Variants in CNKSR3 observed in about 807,000 individuals in gnomAD.
CNKSR3 encodes CNKSR family member 3.
Under a neutral mutation model 67.7 loss-of-function variants are expected in CNKSR3, and 36 were observed. The ratio of observed to expected loss-of-function variants is 0.53; its 90% CI spans 0.41 to 0.70. The LOEUF is 0.70. Among genes scored for constraint, CNKSR3 ranks in the 30% least tolerant of loss-of-function variants. CNKSR3 has a pLI of 0.00. For synonymous variants in CNKSR3, 281 were observed against 271.4 expected (o/e 1.04, Z -0.35); for missense variants, 630 against 695.2 (o/e 0.91, Z 1.05).
rs537815678 is a variant in CNKSR3 at position 154,509,771 on chromosome 6, C to T, written c.52+292G>A. Among the ~76,000 whole-genome samples, 32 of 152,270 alleles carry T rather than the reference C, an allele frequency of 2.1e-4. No homozygotes were observed. In the South Asian group the frequency reaches 2.7e-3, roughly 13 times the overall value. On this transcript the variant is annotated intron_variant, in intron 1 of 12. Coordinates refer to ENST00000607772, the MANE Select transcript of CNKSR3 (RefSeq NM_173515.4). ...GCGCCCCCCGGCCCGAGTGCCGAGT[C>T]CCGAGATCGGCATCCCCAGCCCTCA...
At chr6:154,465,684 A>C (rs1354773740) in intron 1 of CNKSR3, among the ~76,000 whole-genome samples, 1 of 152,224 alleles carries the variant, frequency 6.6e-6, no homozygotes, top group Admixed American at 6.5e-5. Context: ...ACAGGAAATT[A>C]TACACATCAT....
chr6:154,467,199 G>A (rs752486611), intron 1 of CNKSR3, among the ~76,000 whole-genome samples: 1 of 152,122 alleles, frequency 6.6e-6, no homozygotes. Context: ...CCCACCGGGA[G>A]TAGAGATACT....
chr6:154,500,256 A>AACACAC (rs5881088), intron 1 of CNKSR3, among the ~76,000 whole-genome samples: 10,628 of 147,256 alleles, frequency 0.072, 420 homozygotes, highest in African/African-American at 0.12. Flanking sequence ...TAAAATTAGA[A>AACACAC]ACACACACAC....
intron 8 of CNKSR3, 38 bp downstream of exon 8, chr6:154,422,877 T>C: frequency 1.3e-6 from 2 of 1,500,908 alleles, no homozygotes; most frequent in Non-Finnish European, 1.8e-6. Flanking sequence ...AATTAAAAGT[T>C]TTAAGGAGGA....
intron 1 of CNKSR3, among the ~76,000 whole-genome samples, chr6:154,490,493 A>G (rs1285495981): frequency 6.6e-6 from 1 of 152,240 alleles, no homozygotes; most frequent in Non-Finnish European, 1.5e-5. Context: ...CGTATACAAT[A>G]TATCTAATAT....
chr6:154,407,002 A>G (rs1468640093), intron 12 of CNKSR3, among the ~76,000 whole-genome samples: 1 of 150,408 alleles, frequency 6.6e-6, no homozygotes, highest in African/African-American at 2.4e-5. Flanking sequence ...TGCTCTTTGG[A>G]GGGCCCTCGG....
chr6:154,485,726 G>C (rs763437471), intron 1 of CNKSR3, among the ~76,000 whole-genome samples: 3 of 152,184 alleles, frequency 2.0e-5, no homozygotes, highest in Non-Finnish European at 4.4e-5. Context: ...TGAGAAGTTT[G>C]AGACTTTCTG....
chr6:154,442,054 T>C (rs577171095), intron 3 of CNKSR3, 34 bp downstream of exon 3: 31 of 1,559,466 alleles, frequency 2.0e-5, no homozygotes, highest in Non-Finnish European at 2.5e-5. Context: ...CTATCTACTC[T>C]TGCAGGGCAG....
intron 4 of CNKSR3, among the ~76,000 whole-genome samples, chr6:154,434,833 A>G (rs960790371): frequency 2.6e-5 from 4 of 152,186 alleles, no homozygotes; most frequent in Non-Finnish European, 5.9e-5. Flanking sequence ...TTGTAGATAA[A>G]ACTAAACTGT....
chr6:154,495,671 G>A (rs536876281), intron 1 of CNKSR3, among the ~76,000 whole-genome samples: 16 of 151,852 alleles, frequency 1.1e-4, no homozygotes, highest in South Asian at 8.4e-4. Flanking sequence ...CACTGTGCCC[G>A]GCCTCAACAC....
intron 10 of CNKSR3, 25 bp from the exon 11 acceptor site, chr6:154,411,167 T>A: frequency 6.5e-7 from 1 of 1,526,818 alleles, no homozygotes; most frequent in Non-Finnish European, 9.1e-7. Context: ...GGACAATAAT[T>A]AAGTTGTTTA....
At chr6:154,486,836 CTTTT>C (rs932351640) in intron 1 of CNKSR3, among the ~76,000 whole-genome samples, 1 of 151,998 alleles carries the variant, frequency 6.6e-6, no homozygotes, top group East Asian at 1.9e-4. Context: ...AAAATTTTTA[CTTTT>C]TTAAGTTAAA....
intron 1 of CNKSR3, chr6:154,478,542 C>T (rs1786501571): frequency 6.6e-6 from 1 of 152,340 alleles, no homozygotes; most frequent in African/African-American, 2.4e-5. Context: ...AGCTGTGACA[C>T]TCATCTCCAT....
Position 154,510,657 on chromosome 6 carries a change from G to C in CNKSR3, c.-543C>G, listed in dbSNP as rs1435690797. 6.6e-6 allele frequency: 1 copy of C among 152,544 alleles called. No individual in the cohort carries two copies. The highest frequency in any genetic ancestry group is 1.4e-5 in the Non-Finnish European group (1 of 69,632). The allele number at this position is 152,544 out of a possible 1,614,324, so 9.4% of individuals were successfully genotyped here. A position where few individuals can be genotyped will look rare whatever the true frequency, so the allele number is the denominator to read the frequency against. The stretch of plus-strand genomic sequence containing the variant: ...AGAGCGTGCGCGCTCGGGTTGCAAA[G>C]TTTCAGCTCCGGTTGCTGCAAACCG... On this transcript the variant is annotated 5_prime_UTR_variant, in exon 1 of 13. Coordinates refer to ENST00000607772, the MANE Select transcript of CNKSR3 (RefSeq NM_173515.4).
intron 1 of CNKSR3, among the ~76,000 whole-genome samples, chr6:154,503,801 G>A (rs917759916): frequency 6.6e-6 from 1 of 152,168 alleles, no homozygotes; most frequent in African/African-American, 2.4e-5. Context: ...ACTTTAATTA[G>A]TGGCAAAGAC....
chr6:154,444,761 A>C (rs1002434673), intron 2 of CNKSR3, among the ~76,000 whole-genome samples: 3 of 152,036 alleles, frequency 2.0e-5, no homozygotes, highest in African/African-American at 7.2e-5. Flanking sequence ...AAGTGCCACC[A>C]TGCTCAGTTA....
In CNKSR3 at chr6:154,389,745, T is replaced by C. The variant is rs1784586753; in HGVS notation, c.*16609A>G. On this transcript the variant is annotated 3_prime_UTR_variant, in exon 13 of 13. Transcript: ENST00000607772. ...ATACAAAAATCAGTTGCGATTTCTA[T>C]ACATTAACACAGAACTATCTAAAAA... 1 of 152,216 alleles carries C rather than the reference T, an allele frequency of 6.6e-6. No individual in the cohort carries two copies. Among genetic ancestry groups the C allele is most frequent in the African/African-American group, 2.4e-5 (1 of 41,456 alleles). 9.4% of individuals were successfully genotyped at this position (152,216 alleles called of 1,614,324 possible). A position where few individuals can be genotyped will look rare whatever the true frequency, so the allele number is the denominator to read the frequency against.
chr6:154,496,426 A>G (rs538266296), intron 1 of CNKSR3, among the ~76,000 whole-genome samples: 3 of 143,048 alleles, frequency 2.1e-5, no homozygotes, highest in Non-Finnish European at 4.8e-5. Context: ...CCCGCAGGAG[A>G]GGCCAGGCAG....
intron 1 of CNKSR3, among the ~76,000 whole-genome samples, chr6:154,476,035 T>C (rs1786439486): frequency 6.6e-6 from 1 of 152,106 alleles, no homozygotes; most frequent in Admixed American, 6.5e-5. Flanking sequence ...CATTTTTTTT[T>C]TTCGGATATG....
Sources: allele counts gnomAD v4.1 joint callset (sites outside exome capture counted in the v4.1 genomes callset), GRCh38; gene constraint gnomAD v4.1.1; transcripts MANE v1.5; gene names NCBI Gene and HGNC (gene_info 2026-07-23, HGNC 2026-07-21).